TIPRL: variants seen among roughly 807,000 people sequenced by gnomAD.
TIPRL encodes TIP41-like protein.
In TIPRL, 10 loss-of-function variants were observed where a neutral mutation model predicts 32.3. The observed-to-expected ratio is 0.31, with a 90% CI of 0.19 to 0.52. TIPRL has a LOEUF of 0.52. Among genes scored for constraint, TIPRL ranks in the 20% least tolerant of loss-of-function variants. The pLI is 0.96. For missense variants in TIPRL, 250 were observed against 328.1 expected, an observed-to-expected ratio of 0.76 and a Z score of 1.84; for synonymous variants, 100 against 114.0, an observed-to-expected ratio of 0.88 and a Z score of 0.78.
Position 168,201,426 on chromosome 1 carries a change from A to G in TIPRL, c.*1380A>G, listed in dbSNP as rs962121414. On this transcript the variant is annotated 3_prime_UTR_variant, in exon 7 of 7. Transcript: ENST00000367833. ...GGGTATCCGTCATTGCTCAAACTCT[A>G]TAGTGTATTGCTGGAGCCAATAGGC... 6.7e-6 allele frequency: 1 copy of G among 148,264 alleles called. No individual in the cohort carries two copies. Among genetic ancestry groups the G allele is most frequent in the African/African-American group, 2.6e-5 (1 of 37,914 alleles). The allele number at this position is 148,264 out of a possible 1,614,324, so 9.2% of individuals were successfully genotyped here. A position where few individuals can be genotyped will look rare whatever the true frequency, so the allele number is the denominator to read the frequency against.
rs1313198799 is a variant in TIPRL, at chr1:168,201,447, T to A, written c.*1401T>A. On this transcript the variant is annotated 3_prime_UTR_variant, in exon 7 of 7. Coordinates refer to ENST00000367833, the MANE Select transcript of TIPRL (RefSeq NM_152902.5). ...CTCTATAGTGTATTGCTGGAGCCAA[T>A]AGGCAGGGTATATTTTATTAGCTAA... is the stretch of plus-strand genomic sequence containing the variant. 1 of 152,084 alleles carries A rather than the reference T, an allele frequency of 6.6e-6. No individual in the cohort carries two copies. The highest frequency in any genetic ancestry group is 1.5e-5 in the Non-Finnish European group (1 of 67,968). 9.4% of individuals were successfully genotyped at this position (152,084 alleles called of 1,614,324 possible).
rs758017907 is a variant in TIPRL, at chr1:168,200,094, G to A, written c.*48G>A. On this transcript the variant is annotated 3_prime_UTR_variant, in exon 7 of 7. Coordinates refer to ENST00000367833, the MANE Select transcript of TIPRL (RefSeq NM_152902.5). ...CTATGGAATCTGACTGGACACCTTG[G>A]CTATTTGTAAGGGGTTATTTTTATT... 3.2e-6 allele frequency: 5 copies of A among 1,583,820 alleles called. No homozygotes were observed. Among genetic ancestry groups the A allele is most frequent in the Non-Finnish European group, 4.3e-6 (5 of 1,165,098 alleles).
In TIPRL at chr1:168,200,206, C is replaced by A; in HGVS notation, c.*160C>A. On this transcript the variant is annotated 3_prime_UTR_variant, in exon 7 of 7. Coordinates refer to ENST00000367833, the MANE Select transcript of TIPRL (RefSeq NM_152902.5). The stretch of plus-strand genomic sequence containing the variant: ...AAGATCGTTACAGGCAGGTTTCACT[C>A]AACTGCTGTTTGTACTGTCTGTCTT... The A allele has an allele frequency of 1.5e-6, 1 of 687,800 alleles. No homozygotes were observed. The highest frequency in any genetic ancestry group is 2.3e-6 in the Non-Finnish European group (1 of 430,702). The allele number at this position is 687,800 out of a possible 1,614,324, so 42.6% of individuals were successfully genotyped here.
intron 5 of TIPRL, among the ~76,000 whole-genome samples, chr1:168,198,704 A>T (rs1236952931): frequency 6.6e-6 from 1 of 152,204 alleles, no homozygotes; most frequent in African/African-American, 2.4e-5. Context: ...AAATCTGTTT[A>T]CATATGTGTA....
chr1:168,181,159 T>TTTTA (rs892639553), intron 1 of TIPRL, among the ~76,000 whole-genome samples: 10 of 151,740 alleles, frequency 6.6e-5, no homozygotes, highest in Admixed American at 3.3e-4. Flanking sequence ...ATTTTTGTAT[T>TTTTA]TTTATTTATT....
intron 3 of TIPRL, among the ~76,000 whole-genome samples, chr1:168,190,383 C>T (rs1020228815): frequency 4.6e-5 from 7 of 152,222 alleles, no homozygotes; most frequent in African/African-American, 1.7e-4. Context: ...TTTCCCCCTA[C>T]ATTACTTAAC....
intron 1 of TIPRL, among the ~76,000 whole-genome samples, chr1:168,181,842 C>A (rs559845457): frequency 6.6e-6 from 1 of 151,412 alleles, no homozygotes; most frequent in African/African-American, 2.4e-5. Flanking sequence ...AGGCGGATCA[C>A]CTGAGGTCAG....
chr1:168,180,820 C>CTTTTTTTTTTT (rs71118909), intron 1 of TIPRL, among the ~76,000 whole-genome samples: 6 of 124,164 alleles, frequency 4.8e-5, no homozygotes, highest in African/African-American at 1.2e-4. Flanking sequence ...TTTTTTATAA[C>CTTTTTTTTTTT]TTTTTTTTTT....
rs775569915 is a variant in TIPRL, at chr1:168,179,030, C to G, written c.-48C>G. On this transcript the variant is annotated 5_prime_UTR_variant, in exon 1 of 7. Coordinates refer to ENST00000367833, the MANE Select transcript of TIPRL (RefSeq NM_152902.5). ...CGGAGGAACCGGTGTTCGCCGCCGC[C>G]GCTGCTTCAGCTTATTCCTTGTGGC... 1.3e-6 allele frequency: 2 copies of G among 1,534,096 alleles called. No homozygotes were observed. Among genetic ancestry groups the G allele is most frequent in the East Asian group, 4.7e-5 (2 of 42,482 alleles).
At chr1:168,191,073 AT>A (rs1488313949) in intron 3 of TIPRL, among the ~76,000 whole-genome samples, 1 of 152,172 alleles carries the variant, frequency 6.6e-6, no homozygotes, top group East Asian at 1.9e-4. Flanking sequence ...TAGTTGATTA[AT>A]TTTCTCATAG....
chr1:168,185,087 A>G (rs773538245), intron 3 of TIPRL, among the ~76,000 whole-genome samples: 19 of 152,220 alleles, frequency 1.2e-4, no homozygotes, highest in Non-Finnish European at 2.6e-4. Flanking sequence ...ATTTATTTTT[A>G]AAAGTGTAGT....
intron 5 of TIPRL, among the ~76,000 whole-genome samples, chr1:168,197,551 G>A (rs1367979335): frequency 6.6e-6 from 1 of 152,040 alleles, no homozygotes; most frequent in African/African-American, 2.4e-5. Context: ...ATGGAGTCTT[G>A]CTCTGTTGCC....
At chr1:168,184,233 C>T (rs548408079) in intron 2 of TIPRL, 152 bp downstream of exon 2, 61 of 817,786 alleles carry the variant, frequency 7.5e-5, no homozygotes, top group Admixed American at 3.5e-4. Context: ...TTCTAGAATT[C>T]GTTTTTCTCA....
In TIPRL at chr1:168,192,714, G is replaced by A. The variant is rs12075852; in HGVS notation, c.516+1214G>A. 2.3e-3 allele frequency among the ~76,000 whole-genome samples: 343 copies of A among 152,192 alleles called. 1 individual carries two copies. Among genetic ancestry groups the A allele is most frequent in the African/African-American group, 8.0e-3 (333 of 41,530 alleles). On this transcript the variant is annotated intron_variant, in intron 4 of 6. Coordinates refer to ENST00000367833, the MANE Select transcript of TIPRL (RefSeq NM_152902.5). ...GAGATCGAGACCATGGTGAAACCCC[G>A]TCTCTACTAAAAATACAAAAAATTA...
chr1:168,197,495 A>G lies in TIPRL; in HGVS notation c.612+853A>G, dbSNP rs377685396. Among the ~76,000 whole-genome samples, 20 of 152,194 alleles carry G rather than the reference A, an allele frequency of 1.3e-4. No homozygotes were observed. The East Asian group carries it at 2.9e-3, about 22-fold the overall frequency. On this transcript the variant is annotated intron_variant, in intron 5 of 6. Coordinates refer to ENST00000367833, the MANE Select transcript of TIPRL (RefSeq NM_152902.5). ...AACATAAGCTATATTTTTGTTCCCC[A>G]GAAAGAGAAATCTAAATTTTATTTT...
chr1:168,181,120 C>A (rs1165272686), intron 1 of TIPRL, among the ~76,000 whole-genome samples: 1 of 151,724 alleles, frequency 6.6e-6, no homozygotes, highest in East Asian at 1.9e-4. Flanking sequence ...GTAGCTGAGA[C>A]TACAGGCGCG....
chr1:168,197,927 CA>C (rs1700174985), intron 5 of TIPRL, among the ~76,000 whole-genome samples: 1 of 151,976 alleles, frequency 6.6e-6, no homozygotes. Flanking sequence ...ATTAATTGGG[CA>C]ATTACTCAGA....
Position 168,199,890 on chromosome 1 carries a change from A to G in TIPRL, c.676-13A>G. On this transcript the variant is annotated splice_polypyrimidine_tract_variant and intron_variant, in intron 6 of 6. Coordinates refer to ENST00000367833, the MANE Select transcript of TIPRL (RefSeq NM_152902.5). ...GTAACTGAATATGCTAATATGATTTATGTATTTCCTAGCATGTTCCACCTT... is the reference window on the plus strand; with the variant it reads ...GTAACTGAATATGCTAATATGATTTGTGTATTTCCTAGCATGTTCCACCTT... 1 of 1,609,424 alleles carries G rather than the reference A, an allele frequency of 6.2e-7. No homozygotes were observed. The highest frequency in any genetic ancestry group is 8.5e-7 in the Non-Finnish European group (1 of 1,178,104).
rs552011293 is a variant in TIPRL, at chr1:168,186,062, G to A, written c.384+1184G>A. ...TGCACTCCAGCCTGGGCGACAGAGC[G>A]AGACTCCGTCTCAAAAAAAAAAAAA... On this transcript the variant is annotated intron_variant, in intron 3 of 6. Transcript: ENST00000367833. 1.6e-4 allele frequency among the ~76,000 whole-genome samples: 16 copies of A among 102,762 alleles called. No individual in the cohort carries two copies. In the East Asian group the frequency reaches 1.6e-3, roughly 10 times the overall value. The allele number at this position is 102,762 out of a possible 152,430, so 67.4% of individuals were successfully genotyped here.
Sources: gnomAD v4.1 joint callset for allele counts (sites outside exome capture counted in the v4.1 genomes callset) on GRCh38, gnomAD v4.1.1 for gene constraint, MANE v1.5 for transcripts, NCBI Gene and HGNC (gene_info 2026-07-23, HGNC 2026-07-21) for gene names.